KASH5: variants seen among roughly 807,000 people sequenced by gnomAD.
The protein encoded by KASH5 is protein KASH5.
A neutral mutation model predicts 84.2 loss-of-function variants in KASH5; 72 were observed. The observed-to-expected ratio is 0.85, with a 90% CI of 0.71 to 1.04. The LOEUF (loss-of-function observed/expected upper bound fraction) is 1.04, where lower values mean the gene tolerates loss of function less well. Ranked by LOEUF, KASH5 falls within the 50% of genes least tolerant of loss-of-function variation. The pLI, the probability that KASH5 is intolerant of heterozygous loss-of-function variation, is 0.00. For synonymous variants in KASH5, 260 were observed against 279.1 expected (o/e 0.93, Z 0.68); for missense variants, 650 against 701.0 (o/e 0.93, Z 0.82).
chr19:49,417,247 C>T lies in KASH5; in HGVS notation c.1528C>T (p.Leu510=). ...GAGGAGGGCCTGGGGCCAGCTCTGC[C>T]TGCCCCCACAGCGGCTCAGGTGTGC... is the stretch of plus-strand genomic sequence containing the variant. The part of the protein sequence containing the change: ...VRRRAWGQLC[L]PPQRLRVTRH... The change falls in exon 19 of 20, where the codon CTG becomes TTG. Residue 510 remains leucine (L), a synonymous_variant. Transcript: ENST00000447857. This position sits in a 1 kb window ranked among gnomAD's most constrained non-coding sequence, Gnocchi z 5.2. The T allele has an allele frequency of 6.2e-7, 1 of 1,613,424 alleles. No individual in the cohort carries two copies. The highest frequency in any genetic ancestry group is 8.5e-7 in the Non-Finnish European group (1 of 1,179,694).
chr19:49,407,372 A>T, intron 11 of KASH5, 76 bp downstream of exon 11: 1 of 1,506,226 alleles, frequency 6.6e-7, no homozygotes, highest in Admixed American at 1.8e-5. Flanking sequence ...CTAGAAAGGG[A>T]AGTCCTACTT....
chr19:49,395,105 G>T lies in KASH5; in HGVS notation c.149-1G>T. On this transcript the variant is annotated splice_acceptor_variant, in intron 3 of 19. Transcript: ENST00000447857. LOFTEE classifies it high-confidence loss of function. This position sits in a 1 kb window ranked among gnomAD's most constrained non-coding sequence, Gnocchi z 4.4. ...CCCCCTCACTGCATGCTCTGTCACA[G>T]GCACTGTGGCTGTGGCCCAGGTGCT... The T allele has an allele frequency of 6.2e-7, 1 of 1,604,832 alleles. No homozygotes were observed.
In KASH5 at chr19:49,414,704, C is replaced by T. The variant is rs1319803506; in HGVS notation, c.1329-247C>T. Among the ~76,000 whole-genome samples the T allele has an allele frequency of 2.1e-5, 3 of 145,310 alleles. No homozygotes were observed. The highest frequency in any genetic ancestry group is 3.0e-5 in the Non-Finnish European group (2 of 66,684). ...CAGGCCCGTCCGTGCTGCCTGGCCT[C>T]CCCCAGGCCCGTCCGTGCTGCCTGG... is the stretch of plus-strand genomic sequence containing the variant. On this transcript the variant is annotated intron_variant, in intron 16 of 19. Transcript: ENST00000447857. This position sits in a 1 kb window ranked among gnomAD's most constrained non-coding sequence, Gnocchi z 4.5.
chr19:49,414,823 C>A lies in KASH5; in HGVS notation c.1329-128C>A, dbSNP rs972681270. On this transcript the variant is annotated intron_variant, in intron 16 of 19. Coordinates refer to ENST00000447857, the MANE Select transcript of KASH5 (RefSeq NM_144688.5). The surrounding 1 kb of genome is among the most constrained non-coding windows in gnomAD (Gnocchi z 4.5). ...GCCCGTCCGTGCTGCCTGGCCTCCC[C>A]CAGGCCCGTCCGTGCTGCCTGGCCT... The A allele has an allele frequency of 5.1e-6, 5 of 971,494 alleles. No homozygotes were observed. In the African/African-American group the frequency reaches 8.1e-5, roughly 16 times the overall value. The allele number at this position is 971,494 out of a possible 1,614,324, so 60.2% of individuals were successfully genotyped here.
chr19:49,395,230 T>A lies in KASH5; in HGVS notation c.273T>A (p.Thr91=), dbSNP rs1974136920. The A allele has an allele frequency of 6.2e-7, 1 of 1,613,002 alleles. No homozygotes were observed. The highest frequency in any genetic ancestry group is 1.3e-5 in the African/African-American group (1 of 74,898). Reference sequence around the variant, plus strand: ...CCAATGGGGAGGGCCCTAAGGCCACTGTGGACTTGGACACTTTCCTGGTTG... The same window carrying A: ...CCAATGGGGAGGGCCCTAAGGCCACAGTGGACTTGGACACTTTCCTGGTTG... The part of the protein sequence containing the change: ...LDPNGEGPKA[T]VDLDTFLVVM... Residue 91 remains threonine (T), a synonymous_variant, in exon 4 of 20, where the codon ACT becomes ACA. Coordinates refer to ENST00000447857, the MANE Select transcript of KASH5 (RefSeq NM_144688.5). The surrounding 1 kb of genome is among the most constrained non-coding windows in gnomAD (Gnocchi z 4.4).
Position 49,399,231 on chromosome 19 carries a change from G to C in KASH5, c.747+89G>C. 1 of 1,173,526 alleles carries C rather than the reference G, an allele frequency of 8.5e-7. No homozygotes were observed. Among genetic ancestry groups the C allele is most frequent in the Non-Finnish European group, 1.2e-6 (1 of 835,370 alleles). The allele number at this position is 1,173,526 out of a possible 1,614,324, so 72.7% of individuals were successfully genotyped here. A position where few individuals can be genotyped will look rare whatever the true frequency, so the allele number is the denominator to read the frequency against. On this transcript the variant is annotated intron_variant, in intron 8 of 19. Transcript: ENST00000447857. This position sits in a 1 kb window ranked among gnomAD's most constrained non-coding sequence, Gnocchi z 4.4. ...CAGAGTGTGACTATGGAGTAGGAAG[G>C]GGCAGAGGTCACCTGGCTTTCTCCC...
In KASH5 at chr19:49,409,816, G is replaced by A. The variant is rs772509892; in HGVS notation, c.1210G>A (p.Val404Ile). 18 of 1,613,894 alleles carry A rather than the reference G, an allele frequency of 1.1e-5. No individual in the cohort carries two copies. The highest frequency in any genetic ancestry group is 1.5e-5 in the Non-Finnish European group (18 of 1,179,884). Residue 404 changes from valine to isoleucine, a missense_variant, in exon 15 of 20, where the codon GTC (valine) becomes ATC (isoleucine). Transcript: ENST00000447857. ...GTGTGGGGTGTGGCAGTGGGAGGAA[G>A]TCATCCATGAGACCAGTGAGGAAAC... Reference protein sequence around the residue: ...PLCGVWQWEEVIHETSEETEF... With the variant: ...PLCGVWQWEEIIHETSEETEF...
chr19:49,406,611 G>A (rs1342184599), intron 9 of KASH5, among the ~76,000 whole-genome samples: 2 of 152,130 alleles, frequency 1.3e-5, no homozygotes, highest in Non-Finnish European at 2.9e-5. Context: ...TCCTGACCTT[G>A]TGATCCGCCC....
At position 49,394,882 on chromosome 19, in the gene KASH5, A is replaced by G. The variant is rs188077509; in HGVS notation, c.149-224A>G. 2.6e-4 allele frequency: 154 copies of G among 590,044 alleles called. 4 individuals carry two copies. The highest frequency in any genetic ancestry group is 2.5e-3 in the South Asian group (116 of 47,198). The allele number at this position is 590,044 out of a possible 1,614,324, so 36.6% of individuals were successfully genotyped here. A position where few individuals can be genotyped will look rare whatever the true frequency, so the allele number is the denominator to read the frequency against. On this transcript the variant is annotated intron_variant, in intron 3 of 19. Coordinates refer to ENST00000447857, the MANE Select transcript of KASH5 (RefSeq NM_144688.5). ...CATGGCTGATGCTGTCCCTATGTCCATCCCCTTTGGTTTACCCTGTGATGG... is the reference window on the plus strand; with the variant it reads ...CATGGCTGATGCTGTCCCTATGTCCGTCCCCTTTGGTTTACCCTGTGATGG...
intron 2 of KASH5, among the ~76,000 whole-genome samples, chr19:49,392,898 C>T (rs935600179): frequency 6.9e-6 from 1 of 145,338 alleles, no homozygotes; most frequent in Non-Finnish European, 1.5e-5. Flanking sequence ...GGTGACACAG[C>T]GAGACTCCAT....
Position 49,412,866 on chromosome 19 carries a change from G to T in KASH5, c.1270-102G>T, listed in dbSNP as rs1974765325. On this transcript the variant is annotated intron_variant, in intron 15 of 19. Coordinates refer to ENST00000447857, the MANE Select transcript of KASH5 (RefSeq NM_144688.5). The surrounding 1 kb of genome is among the most constrained non-coding windows in gnomAD (Gnocchi z 4.6). ...TAGGTTGCAGCCTGGAAGACCTTTT[G>T]TATATGGGGTCTGGGACCGGCGGGG... 7.8e-6 allele frequency: 9 copies of T among 1,159,232 alleles called. No individual in the cohort carries two copies. Among genetic ancestry groups the T allele is most frequent in the Non-Finnish European group, 1.1e-5 (9 of 787,840 alleles). 71.8% of individuals were successfully genotyped at this position (1,159,232 alleles called of 1,614,324 possible).
chr19:49,401,671 T>A (rs1270963810), intron 9 of KASH5, among the ~76,000 whole-genome samples: 2 of 152,176 alleles, frequency 1.3e-5, no homozygotes, highest in East Asian at 3.8e-4. Flanking sequence ...CTGGGCTCAT[T>A]TTCAGCCTAT....
At chr19:49,408,893 AG>A (rs1974618049) in intron 12 of KASH5, 73 bp from the exon 13 acceptor site, 1 of 1,479,014 alleles carries the variant, frequency 6.8e-7, no homozygotes, top group African/African-American at 1.4e-5. Context: ...GAACCCTGGA[AG>A]AGGAGCCCAG....
intron 1 of KASH5, among the ~76,000 whole-genome samples, chr19:49,389,149 C>A (rs1973914511): frequency 9.7e-6 from 1 of 102,826 alleles, no homozygotes; most frequent in Admixed American, 1.4e-4. Context: ...AATCAAGACC[C>A]CCAAAATCCA....
intron 14 of KASH5, 121 bp downstream of exon 14, chr19:49,409,404 G>T (rs543512555): frequency 4.4e-5 from 46 of 1,042,286 alleles, no homozygotes; most frequent in Non-Finnish European, 6.2e-5. Flanking sequence ...GGCTCCTATC[G>T]CAACCTTAGC....
At position 49,394,623 on chromosome 19, in the gene KASH5, A is replaced by G. The variant is rs373290179; in HGVS notation, c.148+43A>G. The stretch of plus-strand genomic sequence containing the variant: ...GGTGCTGGGGACCAGTGCGGGCAGG[A>G]TGGGGTGGAGGCTGGGAACTGGGGA... On this transcript the variant is annotated intron_variant, in intron 3 of 19. Transcript: ENST00000447857. 3.9e-5 allele frequency: 58 copies of G among 1,484,720 alleles called. 1 individual carries two copies. In the African/African-American group the frequency reaches 7.5e-4, roughly 19 times the overall value. The allele number at this position is 1,484,720 out of a possible 1,614,324, so 92.0% of individuals were successfully genotyped here.
chr19:49,397,990 C>T lies in KASH5; in HGVS notation c.476C>T (p.Thr159Ile). 2 of 1,613,868 alleles carry T rather than the reference C, an allele frequency of 1.2e-6. No individual in the cohort carries two copies. Among genetic ancestry groups the T allele is most frequent in the Non-Finnish European group, 1.7e-6 (2 of 1,179,828 alleles). Residue 159 changes from threonine (T) to isoleucine (I), a missense_variant, in exon 7 of 20, where the codon ACA (threonine) becomes ATA (isoleucine). Transcript: ENST00000447857. ...CCCTTCCTTGCCCCTAGACAAGCCACAGCTGACCTGCTGAGCAGCCTGGAG... is the reference window on the plus strand; with the variant it reads ...CCCTTCCTTGCCCCTAGACAAGCCATAGCTGACCTGCTGAGCAGCCTGGAG... ...GEDPRPELQA[T>I]ADLLSSLEDL...
At chr19:49,411,923 GGAA>G (rs1974724717) in intron 15 of KASH5, among the ~76,000 whole-genome samples, 3 of 10,384 alleles carry the variant, frequency 2.9e-4, no homozygotes, top group South Asian at 7.4e-3. Flanking sequence ...AAGGAGGGAA[GGAA>G]GGAAGGAAGG....
At chr19:49,397,273 G>A (rs1974211808) in intron 5 of KASH5, among the ~76,000 whole-genome samples, 1 of 152,030 alleles carries the variant, frequency 6.6e-6, no homozygotes, top group Non-Finnish European at 1.5e-5. Context: ...AGAGAGGAGG[G>A]GTGGAGCAGA....
Sources: allele counts gnomAD v4.1 joint callset (sites outside exome capture counted in the v4.1 genomes callset), GRCh38; gene constraint gnomAD v4.1.1; non-coding constraint Gnocchi (gnomAD v3.1); transcripts MANE v1.5; gene names NCBI Gene and HGNC (gene_info 2026-07-23, HGNC 2026-07-21).